Variants in UMAD1 observed in about 807,000 individuals in gnomAD.
UMAD1 encodes UBAP1-MVB12-associated (UMA)-domain containing protein 1.
Under a neutral mutation model 6.1 loss-of-function variants are expected in UMAD1, and 8 were observed. The ratio of observed to expected loss-of-function variants is 1.30; its 90% CI spans 0.76 to 2.35. UMAD1 has a LOEUF of 2.35. UMAD1 is among the 30% of genes most tolerant of loss of function. The pLI, the probability that UMAD1 is intolerant of heterozygous loss-of-function variation, is 0.00. For synonymous variants in UMAD1, 56 were observed against 31.4 expected, an observed-to-expected ratio of 1.78 and a Z score of -2.61; for missense variants, 130 against 78.4, an observed-to-expected ratio of 1.66 and a Z score of -2.49.
chr7:7,664,348 C>T (rs1018071899), intron 1 of UMAD1, among the ~76,000 whole-genome samples: 1 of 152,150 alleles, frequency 6.6e-6, no homozygotes, highest in African/African-American at 2.4e-5. Flanking sequence ...TCTTCTCAGT[C>T]TCTCTAGCAT....
intron 1 of UMAD1, among the ~76,000 whole-genome samples, chr7:7,665,924 A>G (rs7793870): frequency 0.16 from 23,971 of 150,980 alleles, 2,230 homozygotes; most frequent in Middle Eastern, 0.24. Flanking sequence ...TTAAAAATCC[A>G]TTTACCTGTT....
chr7:7,743,682 A>G (rs1583791686), intron 2 of UMAD1, among the ~76,000 whole-genome samples: 1 of 104,862 alleles, frequency 9.5e-6, no homozygotes, highest in East Asian at 2.1e-4. Context: ...ATATACATAT[A>G]TGTGTATATG....
At chr7:7,738,483 T>C (rs894407709) in intron 2 of UMAD1, 1 of 152,234 alleles carries the variant, frequency 6.6e-6, no homozygotes, top group South Asian at 2.1e-4. Context: ...TGCATTAATA[T>C]AAAAGTTTTG....
At chr7:7,644,015 A>G (rs1005903717) in intron 1 of UMAD1, among the ~76,000 whole-genome samples, 10 of 152,086 alleles carry the variant, frequency 6.6e-5, no homozygotes, top group African/African-American at 2.2e-4. Flanking sequence ...TGCCACTAGT[A>G]AAAAAATGAT....
chr7:7,648,867 GA>G (rs113575166), intron 1 of UMAD1, among the ~76,000 whole-genome samples: 1 of 141,522 alleles, frequency 7.1e-6, no homozygotes, highest in Non-Finnish European at 1.5e-5. Flanking sequence ...AAGAAAGAAA[GA>G]AAAAAAAAGG....
At chr7:7,785,083 T>C (rs1782436400) in intron 2 of UMAD1, among the ~76,000 whole-genome samples, 1 of 152,224 alleles carries the variant, frequency 6.6e-6, no homozygotes, top group African/African-American at 2.4e-5. Flanking sequence ...CTAAAGAATC[T>C]GGTATCAGTC....
At chr7:7,676,097 C>A (rs1035747018) in intron 2 of UMAD1, 2 of 398,544 alleles carry the variant, frequency 5.0e-6, no homozygotes, top group African/African-American at 4.1e-5. Context: ...TTCCTTCTTC[C>A]GCAGAAGCAT....
intron 1 of UMAD1, among the ~76,000 whole-genome samples, chr7:7,647,482 C>T (rs1785122895): frequency 6.6e-6 from 1 of 152,188 alleles, no homozygotes; most frequent in Admixed American, 6.5e-5. Flanking sequence ...GTGTAAATTG[C>T]ACTGTTCACA....
intron 3 of UMAD1, among the ~76,000 whole-genome samples, chr7:7,839,647 A>T (rs1342689959): frequency 6.6e-6 from 1 of 152,212 alleles, no homozygotes; most frequent in Non-Finnish European, 1.5e-5. Context: ...AGAGGGGGAA[A>T]AGTCATAATA....
At chr7:7,827,143 A>ATGTGTGTGTGTG (rs1360833680) in intron 3 of UMAD1, among the ~76,000 whole-genome samples, 4 of 135,210 alleles carry the variant, frequency 3.0e-5, no homozygotes, top group African/African-American at 1.1e-4. Context: ...ATATATATAT[A>ATGTGTGTGTGTG]TATATGTGTG....
At chr7:7,683,198 A>G (rs1380402827) in intron 2 of UMAD1, among the ~76,000 whole-genome samples, 1 of 152,200 alleles carries the variant, frequency 6.6e-6, no homozygotes, top group Non-Finnish European at 1.5e-5. Flanking sequence ...AGTTGACTCA[A>G]ACGTAAATTA....
At chr7:7,779,486 G>T (rs1209889348) in intron 2 of UMAD1, among the ~76,000 whole-genome samples, 1 of 151,966 alleles carries the variant, frequency 6.6e-6, no homozygotes, top group Non-Finnish European at 1.5e-5. Context: ...CCCCAGTCTG[G>T]TCTCGAAATC....
At chr7:7,747,174 A>G (rs892509921) in intron 2 of UMAD1, among the ~76,000 whole-genome samples, 4 of 152,218 alleles carry the variant, frequency 2.6e-5, no homozygotes, top group African/African-American at 9.7e-5. Context: ...ATAATAGGGA[A>G]GGAATAAATC....
intron 1 of UMAD1, among the ~76,000 whole-genome samples, chr7:7,650,699 A>T (rs921170097): frequency 7.9e-5 from 12 of 152,228 alleles, no homozygotes; most frequent in Admixed American, 7.9e-4. Context: ...TGCCAAACGC[A>T]CCTTGATTTA....
At chr7:7,650,670 A>T (rs28916282) in intron 1 of UMAD1, among the ~76,000 whole-genome samples, 15 of 152,262 alleles carry the variant, frequency 9.9e-5, no homozygotes. Flanking sequence ...TAAGCTGGTT[A>T]AAGTGGCAAT....
At chr7:7,655,552 T>C (rs59456152) in intron 1 of UMAD1, among the ~76,000 whole-genome samples, 56,553 of 151,986 alleles carry the variant, frequency 0.37, 11,529 homozygotes, top group East Asian at 0.8. Flanking sequence ...ACTTCCTAAG[T>C]ATTTTAGCTG....
At chr7:7,693,824 C>T (rs1407802315) in intron 2 of UMAD1, among the ~76,000 whole-genome samples, 1 of 152,094 alleles carries the variant, frequency 6.6e-6, no homozygotes, top group Admixed American at 6.5e-5. Flanking sequence ...CATATTAACA[C>T]TACTTACCAT....
At chr7:7,789,796 G>A (rs944667045) in intron 2 of UMAD1, among the ~76,000 whole-genome samples, 1 of 152,218 alleles carries the variant, frequency 6.6e-6, no homozygotes, top group Non-Finnish European at 1.5e-5. Context: ...TCCCCTTAAA[G>A]CTAAATAATA....
chr7:7,776,397 C>T (rs916084785), intron 2 of UMAD1, among the ~76,000 whole-genome samples: 3 of 152,078 alleles, frequency 2.0e-5, no homozygotes, highest in African/African-American at 7.2e-5. Flanking sequence ...CTTTGTAAAT[C>T]CATTTATATA....
Sources: allele counts gnomAD v4.1 joint callset (sites outside exome capture counted in the v4.1 genomes callset), GRCh38; gene constraint gnomAD v4.1.1; transcripts MANE v1.5; gene names NCBI Gene and HGNC (gene_info 2026-07-23, HGNC 2026-07-21).